TBC1D5: variants seen among roughly 807,000 people sequenced by gnomAD.
The protein encoded by TBC1D5 is TBC1 domain family member 5.
Under a neutral mutation model 100.3 loss-of-function variants are expected in TBC1D5, and 75 were observed. The observed-to-expected ratio is 0.75, with a 90% confidence interval of 0.62 to 0.91. The LOEUF (loss-of-function observed/expected upper bound fraction) is 0.91, where lower values mean the gene tolerates loss of function less well. TBC1D5 is among the 40% of genes least tolerant of loss of function. The pLI is 0.00. For missense variants in TBC1D5, 910 were observed against 942.4 expected, an observed-to-expected ratio of 0.97 and a Z score of 0.45; for synonymous variants, 323 against 325.6, an observed-to-expected ratio of 0.99 and a Z score of 0.09.
At chr3:17,229,478 ATAATAAT>A (rs2075229452) in intron 17 of TBC1D5, among the ~76,000 whole-genome samples, 1 of 152,172 alleles carries the variant, frequency 6.6e-6, no homozygotes, top group South Asian at 2.1e-4. Context: ...AATATCAGAA[ATAATAAT>A]TAAGAAAAGA....
chr3:17,197,045 A>C (rs913295547), intron 18 of TBC1D5, among the ~76,000 whole-genome samples: 1 of 152,152 alleles, frequency 6.6e-6, no homozygotes, highest in South Asian at 2.1e-4. Context: ...TGCAACACAG[A>C]TATCTGCCAG....
chr3:17,342,282 G>T (rs999905808), intron 13 of TBC1D5, among the ~76,000 whole-genome samples: 13 of 152,148 alleles, frequency 8.5e-5, no homozygotes, highest in African/African-American at 2.9e-4. Context: ...TACATTTGGA[G>T]AACTTTTTCA....
upstream of TBC1D5, among the ~76,000 whole-genome samples, chr3:17,741,174 A>G (rs1245176476): frequency 6.6e-6 from 1 of 152,252 alleles, no homozygotes; most frequent in Admixed American, 6.5e-5. Flanking sequence ...GAAATGTACA[A>G]TATCAAAATG....
At chr3:17,244,360 G>C (rs1285568167) in intron 16 of TBC1D5, among the ~76,000 whole-genome samples, 1 of 152,110 alleles carries the variant, frequency 6.6e-6, no homozygotes, top group African/African-American at 2.4e-5. Flanking sequence ...TAAGAGGCTT[G>C]TATACTAGTA....
intron 2 of TBC1D5, among the ~76,000 whole-genome samples, chr3:17,540,576 A>G (rs1419547483): frequency 6.6e-6 from 1 of 152,070 alleles, no homozygotes; most frequent in Non-Finnish European, 1.5e-5. Flanking sequence ...TGAAAAGACT[A>G]TCTTTTCTCC....
At chr3:17,485,188 T>C (rs545502968) in intron 3 of TBC1D5, among the ~76,000 whole-genome samples, 1 of 152,182 alleles carries the variant, frequency 6.6e-6, no homozygotes, top group South Asian at 2.1e-4. Context: ...TTAAAGTAAT[T>C]GTGAAGTTTG....
intron 8 of TBC1D5, 102 bp from the exon 9 acceptor site, chr3:17,384,117 G>T: frequency 1.0e-6 from 1 of 973,682 alleles, no homozygotes; most frequent in Non-Finnish European, 1.5e-6. Flanking sequence ...TCAGGTTTTA[G>T]AACAAGCCTG....
intron 3 of TBC1D5, among the ~76,000 whole-genome samples, chr3:17,487,568 G>A (rs967189039): frequency 1.3e-5 from 2 of 152,166 alleles, no homozygotes; most frequent in African/African-American, 2.4e-5. Context: ...GAGTGAGACT[G>A]AGAACTATAA....
At chr3:17,192,799 A>G (rs954621133) in intron 18 of TBC1D5, among the ~76,000 whole-genome samples, 2 of 152,238 alleles carry the variant, frequency 1.3e-5, no homozygotes, top group African/African-American at 4.8e-5. Flanking sequence ...CAGAAATCCC[A>G]CTGGTAGGCT....
intron 1 of TBC1D5, among the ~76,000 whole-genome samples, chr3:17,737,838 A>AC (rs398105639): frequency 3.6e-4 from 55 of 151,906 alleles, no homozygotes; most frequent in Middle Eastern, 6.8e-3. Flanking sequence ...AAAAAAAAAA[A>AC]CCCAGTTAAC....
chr3:17,178,081 TTTGA>T, intron 19 of TBC1D5, among the ~76,000 whole-genome samples: 1 of 150,916 alleles, frequency 6.6e-6, no homozygotes. Flanking sequence ...TTTTTTTTTT[TTTGA>T]GATGGAGTCT....
chr3:17,641,629 T>A (rs2064517268), intron 1 of TBC1D5, among the ~76,000 whole-genome samples: 1 of 152,138 alleles, frequency 6.6e-6, no homozygotes, highest in Admixed American at 6.6e-5. Context: ...GCTACTAATC[T>A]TCTACATTCT....
At chr3:17,403,440 C>T (rs1269520415) in intron 7 of TBC1D5, among the ~76,000 whole-genome samples, 192 bp from the exon 8 acceptor site, 1 of 152,014 alleles carries the variant, frequency 6.6e-6, no homozygotes, top group African/African-American at 2.4e-5. Context: ...TTTATTCTAA[C>T]ATCAATTTTT....
At position 17,234,614 on chromosome 3, in the gene TBC1D5, G is replaced by A. The variant is rs372777854; in HGVS notation, c.1588+3549C>T. Among the ~76,000 whole-genome samples, 171 of 152,132 alleles carry A rather than the reference G, an allele frequency of 1.1e-3. 5 individuals carry two copies. In the South Asian group the frequency reaches 0.033, roughly 30 times the overall value. ...TCACTGTCAACAGAATCATTCTCTG[G>A]ATATATCACCATCTGAAGGCCTATG... On this transcript the variant is annotated intron_variant, in intron 17 of 21. Transcript: ENST00000253692.
intron 3 of TBC1D5, among the ~76,000 whole-genome samples, chr3:17,502,615 C>T (rs1382844712): frequency 2.7e-5 from 4 of 149,502 alleles, no homozygotes; most frequent in African/African-American, 5.1e-5. Context: ...CAGCCCAATT[C>T]TAAGTTTCAG....
chr3:17,390,067 T>C (rs1384536900), intron 8 of TBC1D5, among the ~76,000 whole-genome samples: 2 of 152,160 alleles, frequency 1.3e-5, no homozygotes, highest in Non-Finnish European at 2.9e-5. Flanking sequence ...CATTTGATTA[T>C]ACAAAGACCT....
chr3:17,260,123 C>T (rs1327789796), intron 15 of TBC1D5, among the ~76,000 whole-genome samples: 1 of 152,090 alleles, frequency 6.6e-6, no homozygotes, highest in African/African-American at 2.4e-5. Context: ...GAGGTTAAGG[C>T]CACTGGCAGA....
chr3:17,611,189 T>C (rs371752654), intron 2 of TBC1D5, among the ~76,000 whole-genome samples: 2 of 152,092 alleles, frequency 1.3e-5, no homozygotes, highest in African/African-American at 4.8e-5. Flanking sequence ...AAGGGAGGTG[T>C]CTGGGGAGGG....
intron 3 of TBC1D5, among the ~76,000 whole-genome samples, chr3:17,487,003 G>A (rs2095577283): frequency 6.6e-6 from 1 of 152,114 alleles, no homozygotes; most frequent in Non-Finnish European, 1.5e-5. Flanking sequence ...TCCCACTACA[G>A]ATATTATTTC....
Sources: allele counts gnomAD v4.1 joint callset (sites outside exome capture counted in the v4.1 genomes callset), GRCh38; gene constraint gnomAD v4.1.1; transcripts MANE v1.5; gene names NCBI Gene and HGNC (gene_info 2026-07-23, HGNC 2026-07-21).